EYS: variants seen among roughly 807,000 people sequenced by gnomAD.
EYS encodes protein eyes shut homolog.
In EYS, 250 loss-of-function variants were observed where a neutral mutation model predicts 282.1. That is an observed-to-expected ratio of 0.89 (90% CI 0.80 to 0.98). The LOEUF (loss-of-function observed/expected upper bound fraction) is 0.98, where lower values mean the gene tolerates loss of function less well. Among genes scored for constraint, EYS ranks in the 50% least tolerant of loss-of-function variants. The pLI is 0.00. For missense variants in EYS, 4,016 were observed against 3,709.0 expected, an observed-to-expected ratio of 1.08 and a Z score of -2.15; for synonymous variants, 1,355 against 1,282.9, an observed-to-expected ratio of 1.06 and a Z score of -1.20.
chr6:65,029,282 A>G (rs1239281490), intron 13 of EYS, among the ~76,000 whole-genome samples: 1 of 152,120 alleles, frequency 6.6e-6, no homozygotes, highest in Non-Finnish European at 1.5e-5. Context: ...AAAGGGAAAG[A>G]GTTAGGAAAT....
intron 2 of EYS, among the ~76,000 whole-genome samples, chr6:65,542,099 A>C (rs886105035): frequency 6.6e-6 from 1 of 152,156 alleles, no homozygotes; most frequent in Non-Finnish European, 1.5e-5. Flanking sequence ...ATTTAACTTC[A>C]TTTATTCTAA....
At chr6:65,519,708 A>ATTTTTTTTTTTTTTT (rs59743261) in intron 2 of EYS, among the ~76,000 whole-genome samples, 1 of 42,562 alleles carries the variant, frequency 2.3e-5, no homozygotes, top group Non-Finnish European at 3.7e-5. Context: ...ATATATATAT[A>ATTTTTTTTTTTTTTT]TTTTTTTTTT....
chr6:64,912,570 A>G lies in EYS; in HGVS notation c.2555T>C (p.Leu852Pro), dbSNP rs9294631. ...GCAAGGGTTATGAAGTAGGTCACAA[A>G]GGTTATAGCGTTGGTGGCAAAATTG... is the stretch of plus-strand genomic sequence containing the variant. Reference protein sequence around the residue: ...TGQFCHQRYNLCDLLHNPCRN... With the variant: ...TGQFCHQRYNPCDLLHNPCRN... Residue 852 changes from leucine to proline, a missense_variant, in exon 16 of 43, where the codon CTT (leucine) becomes CCT (proline). Leu to Pro is a moderately conservative substitution (Grantham distance 98). Transcript: ENST00000503581. 919,250 of 1,550,694 alleles carry G rather than the reference A, an allele frequency of 0.59. 276,892 individuals carry two copies. Among genetic ancestry groups the G allele is most frequent in the African/African-American group, 0.88 (64,155 of 73,062 alleles).
chr6:64,425,805 C>G (rs1462228538), intron 28 of EYS, among the ~76,000 whole-genome samples: 1 of 151,194 alleles, frequency 6.6e-6, no homozygotes, highest in African/African-American at 2.4e-5. Context: ...TAAAAAATGA[C>G]TTTCATTATA....
intron 22 of EYS, among the ~76,000 whole-genome samples, chr6:64,762,405 A>G (rs530901869): frequency 1.3e-5 from 2 of 152,330 alleles, no homozygotes; most frequent in South Asian, 2.1e-4. Flanking sequence ...ATCTTAAATC[A>G]TGGAGTCCCT....
intron 19 of EYS, among the ~76,000 whole-genome samples, chr6:64,863,693 G>A (rs1176970149): frequency 6.6e-6 from 1 of 151,964 alleles, no homozygotes; most frequent in Non-Finnish European, 1.5e-5. Flanking sequence ...AACTCTGGCT[G>A]GTCAGATATT....
chr6:64,481,724 A>G (rs1004687237), intron 26 of EYS, among the ~76,000 whole-genome samples: 1 of 151,548 alleles, frequency 6.6e-6, no homozygotes, highest in African/African-American at 2.4e-5. Flanking sequence ...TCGGTGTTAC[A>G]TAGAAGATCA....
intron 11 of EYS, among the ~76,000 whole-genome samples, chr6:65,316,111 A>G (rs1769288851): frequency 6.6e-6 from 1 of 152,194 alleles, no homozygotes; most frequent in African/African-American, 2.4e-5. Flanking sequence ...GTTAATTTGT[A>G]AAAGTTTAAA....
intron 30 of EYS, among the ~76,000 whole-genome samples, chr6:64,235,196 G>T (rs914144444): frequency 3.3e-5 from 5 of 150,564 alleles, no homozygotes; most frequent in African/African-American, 1.2e-4. Flanking sequence ...CCATTAACTC[G>T]TCATTTAGCA....
At chr6:63,880,651 G>A (rs116600826) in intron 35 of EYS, among the ~76,000 whole-genome samples, 1,637 of 152,246 alleles carry the variant, frequency 0.011, 24 homozygotes, top group African/African-American at 0.038. Flanking sequence ...AGGAACTACT[G>A]ATAATAAATC....
chr6:64,609,481 G>GT (rs1326030298), intron 24 of EYS, among the ~76,000 whole-genome samples: 1 of 152,158 alleles, frequency 6.6e-6, no homozygotes, highest in Non-Finnish European at 1.5e-5. Context: ...GGCTAGAGAA[G>GT]TTATCAGGAA....
chr6:65,512,602 G>A (rs1766939224), intron 2 of EYS, among the ~76,000 whole-genome samples: 1 of 151,800 alleles, frequency 6.6e-6, no homozygotes, highest in African/African-American at 2.4e-5. Context: ...TCAGACCACA[G>A]TGCAATCAAA....
chr6:64,882,649 T>C (rs1337415935), intron 19 of EYS, among the ~76,000 whole-genome samples: 1 of 151,746 alleles, frequency 6.6e-6, no homozygotes, highest in East Asian at 1.9e-4. Flanking sequence ...AAATAAACAC[T>C]AAACCCTTTG....
intron 7 of EYS, among the ~76,000 whole-genome samples, chr6:65,401,229 T>G (rs1220554642): frequency 6.6e-6 from 1 of 151,756 alleles, no homozygotes; most frequent in Non-Finnish European, 1.5e-5. Flanking sequence ...ACTGATATTC[T>G]TTGACTCATA....
intron 12 of EYS, among the ~76,000 whole-genome samples, chr6:65,124,377 G>C (rs887778898): frequency 2.6e-5 from 4 of 152,098 alleles, no homozygotes; most frequent in Non-Finnish European, 5.9e-5. Context: ...AAGCGAGAAT[G>C]TGATTTGAAC....
chr6:65,529,854 G>C (rs550876334), intron 2 of EYS, among the ~76,000 whole-genome samples: 7 of 152,224 alleles, frequency 4.6e-5, no homozygotes, highest in South Asian at 2.1e-4. Context: ...CTATGAATGA[G>C]GAAGCAGACC....
chr6:64,208,274 G>A (rs1765666953), intron 31 of EYS, among the ~76,000 whole-genome samples: 1 of 152,044 alleles, frequency 6.6e-6, no homozygotes, highest in Admixed American at 6.6e-5. Context: ...TCCAATATTG[G>A]TTGTAATATT....
chr6:65,464,654 G>A (rs1405547668), intron 5 of EYS, among the ~76,000 whole-genome samples: 3 of 151,982 alleles, frequency 2.0e-5, no homozygotes, highest in Admixed American at 6.6e-5. Context: ...CTCCCCAGTC[G>A]TTTTGCATCT....
intron 34 of EYS, among the ~76,000 whole-genome samples, chr6:63,987,160 G>A (rs1191868936): frequency 6.6e-6 from 1 of 151,618 alleles, no homozygotes; most frequent in Non-Finnish European, 1.5e-5. Flanking sequence ...CACCACATTG[G>A]AAACTAACAT....
Sources: allele counts gnomAD v4.1 joint callset (sites outside exome capture counted in the v4.1 genomes callset), GRCh38; gene constraint gnomAD v4.1.1; transcripts MANE v1.5; gene names NCBI Gene and HGNC (gene_info 2026-07-23, HGNC 2026-07-21).